Variants in LRP1B observed in about 807,000 individuals in gnomAD.
The protein encoded by LRP1B is low-density lipoprotein receptor-related protein 1B.
In LRP1B, 217 loss-of-function variants were observed where a neutral mutation model predicts 556.6. The ratio of observed to expected loss-of-function variants is 0.39; its 90% CI spans 0.35 to 0.44. LRP1B has a LOEUF of 0.44. Ranked by LOEUF, LRP1B falls within the 20% of genes least tolerant of loss-of-function variation. LRP1B has a pLI of 1.00. For missense variants in LRP1B, 5,053 were observed against 5,620.8 expected (o/e 0.90, Z 3.23); for synonymous variants, 2,047 against 1,865.8 (o/e 1.10, Z -2.50).
chr2:141,319,299 G>GTT (rs201761576), intron 3 of LRP1B, among the ~76,000 whole-genome samples: 896 of 79,526 alleles, frequency 0.011, 62 homozygotes, highest in Middle Eastern at 0.018. Flanking sequence ...AAAAAGCAGT[G>GTT]TTTTTTTGTT....
intron 27 of LRP1B, among the ~76,000 whole-genome samples, chr2:140,863,874 G>A (rs1357436130): frequency 6.6e-6 from 1 of 151,932 alleles, no homozygotes; most frequent in Non-Finnish European, 1.5e-5. Flanking sequence ...ATAAACTCCA[G>A]GAAGGTAAGG....
At chr2:141,541,478 G>C (rs552768390) in intron 2 of LRP1B, among the ~76,000 whole-genome samples, 68 of 152,068 alleles carry the variant, frequency 4.5e-4, no homozygotes, top group African/African-American at 1.6e-3. Flanking sequence ...CCAATGTCCA[G>C]CGTGTTCATG....
intron 32 of LRP1B, among the ~76,000 whole-genome samples, chr2:140,807,147 A>G (rs1052566309): frequency 6.6e-6 from 1 of 152,212 alleles, no homozygotes. Context: ...TGACCAGGAA[A>G]ATGTCAAAAG....
At chr2:141,306,769 C>T (rs1029291523) in intron 3 of LRP1B, among the ~76,000 whole-genome samples, 3 of 151,990 alleles carry the variant, frequency 2.0e-5, no homozygotes, top group African/African-American at 7.2e-5. Flanking sequence ...CTTCTCTATT[C>T]ACAATACTTT....
intron 43 of LRP1B, among the ~76,000 whole-genome samples, chr2:140,549,503 C>G (rs983084867): frequency 1.1e-4 from 16 of 152,178 alleles, no homozygotes; most frequent in African/African-American, 3.9e-4. Context: ...GTCCAACTCA[C>G]TGCAACTTTC....
rs186995138 is a variant in LRP1B, at chr2:140,477,978, A to C, written c.9426-2641T>G. On this transcript the variant is annotated intron_variant, in intron 59 of 90. Coordinates refer to ENST00000389484, the MANE Select transcript of LRP1B (RefSeq NM_018557.3). ...TAAAAATTTTTTACTATGGAAGTACAAAAGAGTGAATAATAATTTTACCTA... is the reference window on the plus strand; with the variant it reads ...TAAAAATTTTTTACTATGGAAGTACCAAAGAGTGAATAATAATTTTACCTA... Among the ~76,000 whole-genome samples the C allele has an allele frequency of 4.7e-3, 714 of 152,230 alleles. 3 individuals are homozygous for C. Among genetic ancestry groups the C allele is most frequent in the Non-Finnish European group, 7.2e-3 (493 of 68,020 alleles).
At chr2:140,520,443 TG>T (rs1690112372) in intron 49 of LRP1B, among the ~76,000 whole-genome samples, 1 of 151,884 alleles carries the variant, frequency 6.6e-6, no homozygotes, top group African/African-American at 2.4e-5. Context: ...CATCACACAC[TG>T]GGGTCTGTTT....
intron 49 of LRP1B, among the ~76,000 whole-genome samples, chr2:140,522,910 T>C (rs964728085): frequency 4.0e-5 from 6 of 151,402 alleles, no homozygotes; most frequent in African/African-American, 1.5e-4. Context: ...AATATACAAA[T>C]AAAAAAAGCC....
intron 3 of LRP1B, among the ~76,000 whole-genome samples, chr2:141,394,473 TAAA>T (rs954295507): frequency 6.6e-6 from 1 of 151,966 alleles, no homozygotes; most frequent in African/African-American, 2.4e-5. Flanking sequence ...TGAAATATGT[TAAA>T]AAAAATCTTT....
At chr2:141,544,922 T>G (rs1685498865) in intron 2 of LRP1B, among the ~76,000 whole-genome samples, 1 of 152,094 alleles carries the variant, frequency 6.6e-6, no homozygotes, top group Non-Finnish European at 1.5e-5. Context: ...TGGCTTGGCC[T>G]CCCAAAGTGC....
At position 140,335,852 on chromosome 2, in the gene LRP1B, AAAC is replaced by A. The variant is rs1272385899; in HGVS notation, c.11893-17_11893-15del. The A allele has an allele frequency of 1.3e-6, 2 of 1,496,998 alleles. No homozygotes were observed. The highest frequency in any genetic ancestry group is 1.4e-5 in the African/African-American group (1 of 72,562). 92.7% of individuals were successfully genotyped at this position (1,496,998 alleles called of 1,614,324 possible). A position where few individuals can be genotyped will look rare whatever the true frequency, so the allele number is the denominator to read the frequency against. ...AAATTCAGGACACTACAAGGAAACA[AAAC>A]AACACACCACGGTATTTTCAACAGG... On this transcript the variant is annotated splice_polypyrimidine_tract_variant and intron_variant, in intron 77 of 90. Coordinates refer to ENST00000389484, the MANE Select transcript of LRP1B (RefSeq NM_018557.3).
rs573183951 is a variant in LRP1B at position 141,386,939 on chromosome 2, G to A, written c.343+93457C>T. On this transcript the variant is annotated intron_variant, in intron 3 of 90. Transcript: ENST00000389484. ...TGCACAAGGAACATTCTCCAGTATA[G>A]ATAGTATGTAATGCCAAAAAGCAAA... Among the ~76,000 whole-genome samples the A allele has an allele frequency of 7.2e-5, 11 of 152,074 alleles. No individual in the cohort carries two copies. In the East Asian group the frequency reaches 2.1e-3, roughly 29 times the overall value.
chr2:141,971,936 C>T (rs533899640), intron 1 of LRP1B, among the ~76,000 whole-genome samples: 20 of 151,532 alleles, frequency 1.3e-4, no homozygotes. Context: ...CCGTGCTATT[C>T]TCTCTGTGTA....
chr2:141,817,816 A>G (rs940051466), intron 1 of LRP1B, among the ~76,000 whole-genome samples: 3 of 152,148 alleles, frequency 2.0e-5, no homozygotes, highest in Non-Finnish European at 4.4e-5. Context: ...TGCCTATTGA[A>G]TGTATAAAAG....
chr2:140,918,749 C>T lies in LRP1B; in HGVS notation c.3319+4216G>A, dbSNP rs184565488. Among the ~76,000 whole-genome samples, 255 of 152,112 alleles carry T rather than the reference C, an allele frequency of 1.7e-3. 1 individual carries two copies. Among genetic ancestry groups the T allele is most frequent in the Non-Finnish European group, 3.0e-3 (205 of 67,976 alleles). The stretch of plus-strand genomic sequence containing the variant: ...GGGAGGTTTGGGAGGTAATCAGTTA[C>T]GAGAGTAGAGTTGGCATATCATAAG... On this transcript the variant is annotated intron_variant, in intron 21 of 90. Transcript: ENST00000389484.
chr2:141,790,797 G>A (rs1029581527), intron 2 of LRP1B, among the ~76,000 whole-genome samples: 9 of 151,916 alleles, frequency 5.9e-5, no homozygotes, highest in Non-Finnish European at 8.8e-5. Flanking sequence ...ACAAATAGAC[G>A]TTAAAGTTAA....
At chr2:141,106,988 T>C (rs1232732712) in intron 7 of LRP1B, among the ~76,000 whole-genome samples, 1 of 152,164 alleles carries the variant, frequency 6.6e-6, no homozygotes, top group African/African-American at 2.4e-5. Context: ...TAATTGTTTT[T>C]TTTTTCTTTG....
chr2:142,061,839 G>A (rs1233081941), intron 1 of LRP1B, among the ~76,000 whole-genome samples: 1 of 151,952 alleles, frequency 6.6e-6, no homozygotes, highest in African/African-American at 2.4e-5. Context: ...TTCTTCCAGT[G>A]TAAGGACAGG....
chr2:140,477,171 A>G (rs1688010804), intron 59 of LRP1B, among the ~76,000 whole-genome samples: 1 of 152,042 alleles, frequency 6.6e-6, no homozygotes, highest in South Asian at 2.1e-4. Flanking sequence ...AGTAAAAATA[A>G]AAAGATAGTT....
Sources: gnomAD v4.1 joint callset for allele counts (sites outside exome capture counted in the v4.1 genomes callset) on GRCh38, gnomAD v4.1.1 for gene constraint, MANE v1.5 for transcripts, NCBI Gene and HGNC (gene_info 2026-07-23, HGNC 2026-07-21) for gene names.